Variants in FAM107A observed in about 807,000 individuals in gnomAD.
FAM107A encodes the protein family with sequence similarity 107 member A.
Under a neutral mutation model 13.7 loss-of-function variants are expected in FAM107A, and 19 were observed. The ratio of observed to expected loss-of-function variants is 1.38; its 90% CI spans 0.97 to 2.03. The LOEUF is 2.03. Ranked by LOEUF, FAM107A falls within the 30% of genes most tolerant of loss-of-function variation. FAM107A has a pLI of 0.00. For missense variants in FAM107A, 203 were observed against 184.4 expected (o/e 1.10, Z -0.58); for synonymous variants, 82 against 74.5 (o/e 1.10, Z -0.52).
At chr3:58,571,377 G>A (rs976246627) in intron 1 of FAM107A, among the ~76,000 whole-genome samples, 17 of 152,284 alleles carry the variant, frequency 1.1e-4, no homozygotes, top group African/African-American at 3.6e-4. Flanking sequence ...TCAGAGGATA[G>A]ACATGTTAAT....
intron 1 of FAM107A, among the ~76,000 whole-genome samples, chr3:58,605,610 C>T (rs2065787284): frequency 6.6e-6 from 1 of 152,156 alleles, no homozygotes; most frequent in African/African-American, 2.4e-5. Context: ...TTGTCCACTG[C>T]CTGAGAACAT....
chr3:58,579,402 G>C (rs958064133), upstream of FAM107A, among the ~76,000 whole-genome samples: 1 of 152,094 alleles, frequency 6.6e-6, no homozygotes, highest in African/African-American at 2.4e-5. Flanking sequence ...CAATTTTCTG[G>C]AAACAATGTG....
chr3:58,572,344 G>T (rs562244380), intron 1 of FAM107A, among the ~76,000 whole-genome samples: 1 of 152,110 alleles, frequency 6.6e-6, no homozygotes, highest in African/African-American at 2.4e-5. Flanking sequence ...ACCACAAAAG[G>T]CTCCAGGCTC....
chr3:58,623,579 G>A (rs1327590253), intron 1 of FAM107A, among the ~76,000 whole-genome samples: 1 of 152,240 alleles, frequency 6.6e-6, no homozygotes, highest in African/African-American at 2.4e-5. Flanking sequence ...GAGGCTCAGA[G>A]GGGTTAAATG....
intron 1 of FAM107A, among the ~76,000 whole-genome samples, chr3:58,595,223 A>T (rs1428142799): frequency 2.0e-5 from 3 of 151,582 alleles, no homozygotes; most frequent in Non-Finnish European, 2.9e-5. Context: ...CCAACCCTTC[A>T]CCACCATTTT....
intron 1 of FAM107A, among the ~76,000 whole-genome samples, chr3:58,611,928 C>T (rs1407129239): frequency 6.6e-6 from 1 of 151,932 alleles, no homozygotes; most frequent in Non-Finnish European, 1.5e-5. Flanking sequence ...AGAATGAAGA[C>T]AGGGAGGAGA....
At chr3:58,599,548 C>T (rs966766650) in intron 1 of FAM107A, among the ~76,000 whole-genome samples, 10 of 152,006 alleles carry the variant, frequency 6.6e-5, no homozygotes, top group Admixed American at 5.9e-4. Context: ...ATAGTGGTTG[C>T]CCCTGTGGAG....
intron 1 of FAM107A, among the ~76,000 whole-genome samples, chr3:58,599,695 CATTTT>C (rs1317730959): frequency 2.8e-4 from 13 of 45,744 alleles, no homozygotes; most frequent in Non-Finnish European, 4.7e-4. Flanking sequence ...ACAAGTGCAC[CATTTT>C]TTTTTTTTTT....
intron 1 of FAM107A, among the ~76,000 whole-genome samples, chr3:58,612,328 C>T (rs1241574128): frequency 6.6e-6 from 1 of 152,040 alleles, no homozygotes; most frequent in Non-Finnish European, 1.5e-5. Flanking sequence ...ACTTCTAATC[C>T]CAGCATTTTG....
chr3:58,624,284 A>G (rs1559489532), intron 1 of FAM107A, among the ~76,000 whole-genome samples: 1 of 152,336 alleles, frequency 6.6e-6, no homozygotes, highest in East Asian at 1.9e-4. Context: ...TCTTCTTGCA[A>G]AAACCCTGAT....
upstream of FAM107A, among the ~76,000 whole-genome samples, chr3:58,579,739 A>C (rs1011336031): frequency 2.0e-5 from 3 of 152,172 alleles, no homozygotes; most frequent in Non-Finnish European, 4.4e-5. Context: ...AGAAGACAGA[A>C]GCCCATCACC....
chr3:58,594,533 C>T (rs1385587804), intron 1 of FAM107A, among the ~76,000 whole-genome samples: 1 of 152,182 alleles, frequency 6.6e-6, no homozygotes, highest in Non-Finnish European at 1.5e-5. Context: ...TTTTGCCTTA[C>T]ACAAGGTCTC....
upstream of FAM107A, among the ~76,000 whole-genome samples, chr3:58,578,552 A>C (rs909160112): frequency 1.1e-4 from 17 of 152,314 alleles, no homozygotes; most frequent in African/African-American, 4.1e-4. Flanking sequence ...TGGGTGACAG[A>C]GCAAGACTGT....
At chr3:58,602,046 T>C (rs978929472) in intron 1 of FAM107A, among the ~76,000 whole-genome samples, 1 of 152,038 alleles carries the variant, frequency 6.6e-6, no homozygotes, top group East Asian at 1.9e-4. Flanking sequence ...CAATCCTGTA[T>C]GAGGCAGAGC....
chr3:58,584,543 T>G (rs940338251), intron 1 of FAM107A, among the ~76,000 whole-genome samples: 1 of 152,146 alleles, frequency 6.6e-6, no homozygotes, highest in African/African-American at 2.4e-5. Context: ...ATGGGCAAGG[T>G]GCTTAAGCTC....
At chr3:58,593,642 C>A (rs1002441616) in intron 1 of FAM107A, among the ~76,000 whole-genome samples, 1 of 151,924 alleles carries the variant, frequency 6.6e-6, no homozygotes, top group Non-Finnish European at 1.5e-5. Context: ...CGCTCCCTAC[C>A]CTTCCCTAAT....
Position 58,564,128 on chromosome 3 carries a change from AG to A in FAM107A, c.*2459del, listed in dbSNP as rs1175200613. 6.6e-5 allele frequency: 10 copies of A among 152,318 alleles called. No individual in the cohort carries two copies. In the East Asian group the frequency reaches 1.7e-3, roughly 26 times the overall value. 9.4% of individuals were successfully genotyped at this position (152,318 alleles called of 1,614,324 possible). ...CTGACCAACAATGGTTTAAACAAAG[AG>A]GGATTTATTTTATTTACAAGAATTC... On this transcript the variant is annotated 3_prime_UTR_variant, in exon 4 of 4. Transcript: ENST00000360997. This position sits in a 1 kb window ranked among gnomAD's most constrained non-coding sequence, Gnocchi z 5.6.
At chr3:58,590,984 A>G (rs1575448460), upstream of FAM107A, among the ~76,000 whole-genome samples, 1 of 152,324 alleles carries the variant, frequency 6.6e-6, no homozygotes, top group East Asian at 1.9e-4. Context: ...CACCAGGCCT[A>G]CAAGGCCTCT....
chr3:58,604,693 G>T lies in FAM107A; in HGVS notation c.-69-15424C>A, dbSNP rs957015851. ...TACTTTGCTCACACGGAGATAAGCA[G>T]CTGGCATTTGTTGGGCATCTACTAT... On this transcript the variant is annotated intron_variant, in intron 1 of 3. Transcript: ENST00000465970. The surrounding 1 kb of genome is among the most constrained non-coding windows in gnomAD (Gnocchi z 4.1). Among the ~76,000 whole-genome samples the T allele has an allele frequency of 6.6e-6, 1 of 152,204 alleles. No homozygotes were observed. Among genetic ancestry groups the T allele is most frequent in the South Asian group, 2.1e-4 (1 of 4,832 alleles).
Sources: gnomAD v4.1 joint callset for allele counts (sites outside exome capture counted in the v4.1 genomes callset) on GRCh38, gnomAD v4.1.1 for gene constraint, Gnocchi (gnomAD v3.1) non-coding constraint, MANE v1.5 for transcripts, NCBI Gene and HGNC (gene_info 2026-07-23, HGNC 2026-07-21) for gene names.